Variants in MAP2 observed in about 807,000 individuals in gnomAD.
The protein encoded by MAP2 is microtubule associated protein 2, also known as microtubule-associated protein 2.
MAP2 carries 14 observed loss-of-function variants against 137.6 expected under a neutral mutation model. The ratio of observed to expected loss-of-function variants is 0.10; its 90% confidence interval spans 0.07 to 0.16. MAP2 has a LOEUF of 0.16. Among genes scored for constraint, MAP2 ranks in the 10% least tolerant of loss-of-function variants. The pLI is 1.00. For synonymous variants in MAP2, 786 were observed against 782.3 expected (o/e 1.00, Z -0.08); for missense variants, 2,088 against 2,191.5 (o/e 0.95, Z 0.94).
intron 11 of MAP2, 33 bp downstream of exon 11, chr2:209,700,371 T>C: frequency 6.6e-7 from 1 of 1,525,686 alleles, no homozygotes; most frequent in Non-Finnish European, 9.1e-7. Flanking sequence ...TGTTCTTCAT[T>C]TGAAGTTCCT....
intron 2 of MAP2, among the ~76,000 whole-genome samples, chr2:209,563,538 C>G (rs993704768): frequency 2.0e-5 from 3 of 152,170 alleles, no homozygotes; most frequent in Non-Finnish European, 2.9e-5. Flanking sequence ...TGCATCGCCA[C>G]CAGCTTCCCA....
intron 5 of MAP2, among the ~76,000 whole-genome samples, chr2:209,677,409 GAC>G (rs1292412943): frequency 7.6e-6 from 1 of 131,564 alleles, no homozygotes; most frequent in Non-Finnish European, 1.5e-5. Context: ...TAGATAGACA[GAC>G]AGACAGACAG....
At chr2:209,562,705 C>T (rs1456785821) in intron 2 of MAP2, among the ~76,000 whole-genome samples, 1 of 151,334 alleles carries the variant, frequency 6.6e-6, no homozygotes, top group African/African-American at 2.4e-5. Context: ...AAAAAAAAAA[C>T]AAAAAGCGAA....
At chr2:209,690,807 A>C (rs1242479227) in intron 7 of MAP2, 6 of 1,288,816 alleles carry the variant, frequency 4.7e-6, no homozygotes, top group Non-Finnish European at 6.1e-6. Flanking sequence ...GAGGTCAAGG[A>C]GGTGTCTCCA....
Position 209,613,600 on chromosome 2 carries a change from C to T in MAP2, c.-106-11453C>T, listed in dbSNP as rs144594969. On this transcript the variant is annotated intron_variant, in intron 3 of 15. Coordinates refer to ENST00000682079, the MANE Select transcript of MAP2 (RefSeq NM_001375505.1). Reference sequence around the variant, plus strand: ...GGATCAAGGAGCTCAGTGGGGCTAGCGGAGAAGAGCTCTACACTTGGTGTC... The same window carrying T: ...GGATCAAGGAGCTCAGTGGGGCTAGTGGAGAAGAGCTCTACACTTGGTGTC... 1.8e-4 allele frequency among the ~76,000 whole-genome samples: 27 copies of T among 148,710 alleles called. No individual in the cohort carries two copies. In the East Asian group the frequency reaches 3.2e-3, roughly 18 times the overall value.
chr2:209,622,320 A>G (rs921891231), intron 3 of MAP2, among the ~76,000 whole-genome samples: 8 of 152,162 alleles, frequency 5.3e-5, no homozygotes, highest in East Asian at 1.9e-4. Flanking sequence ...TAGGCTCAAA[A>G]TTGTCTCTAG....
chr2:209,573,298 G>GGTTGTTTTTTTTTTTTTTTTT (rs770132978), intron 2 of MAP2, among the ~76,000 whole-genome samples: 1 of 120,070 alleles, frequency 8.3e-6, no homozygotes, highest in African/African-American at 3.3e-5. Context: ...TTCTTTTTCT[G>GGTTGTTTTTTTTTTTTTTTTT]TTTTTTTTTT....
Position 209,661,920 on chromosome 2 carries a change from G to GA in MAP2, c.262+8495dup, listed in dbSNP as rs542123620. Among the ~76,000 whole-genome samples, 1,177 of 152,108 alleles carry GA rather than the reference G, an allele frequency of 7.7e-3. 8 individuals carry two copies. Among genetic ancestry groups the GA allele is most frequent in the South Asian group, 0.027 (129 of 4,822 alleles). On this transcript the variant is annotated intron_variant, in intron 5 of 15. Coordinates refer to ENST00000682079, the MANE Select transcript of MAP2 (RefSeq NM_001375505.1). ...GCGTTTGATATTTTACAAATTAGAGGAAAAAAACCAACATCAGATAAAGTT... is the reference window on the plus strand; with the variant it reads ...GCGTTTGATATTTTACAAATTAGAGGAAAAAAAACCAACATCAGATAAAGTT...
At chr2:209,455,939 A>G (rs1236670421) in intron 1 of MAP2, among the ~76,000 whole-genome samples, 1 of 151,472 alleles carries the variant, frequency 6.6e-6, no homozygotes, top group Non-Finnish European at 1.5e-5. Flanking sequence ...ATTATTAAAC[A>G]TGATATCTAC....
chr2:209,615,672 G>A (rs957405885), intron 3 of MAP2, among the ~76,000 whole-genome samples: 2 of 152,130 alleles, frequency 1.3e-5, no homozygotes, highest in Non-Finnish European at 2.9e-5. Flanking sequence ...GGCAGATACA[G>A]GCAGGTCCCC....
At chr2:209,574,973 C>T (rs1237430972) in intron 2 of MAP2, among the ~76,000 whole-genome samples, 1 of 152,160 alleles carries the variant, frequency 6.6e-6, no homozygotes, top group Non-Finnish European at 1.5e-5. Context: ...CTACAAAGGT[C>T]ATTCCAAAAT....
At chr2:209,446,863 A>G (rs62213411) in intron 1 of MAP2, among the ~76,000 whole-genome samples, 32,269 of 151,814 alleles carry the variant, frequency 0.21, 4,056 homozygotes, top group South Asian at 0.3. Context: ...TGACTCATCC[A>G]AGTTCAAAAT....
intron 4 of MAP2, among the ~76,000 whole-genome samples, chr2:209,652,753 G>T (rs2094893159): frequency 6.6e-6 from 1 of 152,094 alleles, no homozygotes; most frequent in Non-Finnish European, 1.5e-5. Flanking sequence ...TATGCTGAAG[G>T]ATTCCTTGAC....
At chr2:209,643,617 G>C (rs924456111) in intron 4 of MAP2, among the ~76,000 whole-genome samples, 1 of 152,160 alleles carries the variant, frequency 6.6e-6, no homozygotes, top group African/African-American at 2.4e-5. Flanking sequence ...GAATGCTAAG[G>C]GGTGTTTAAA....
At chr2:209,595,604 CTGGGTA>C (rs1295439292) in intron 3 of MAP2, among the ~76,000 whole-genome samples, 15 of 152,230 alleles carry the variant, frequency 9.9e-5, no homozygotes, top group African/African-American at 3.6e-4. Context: ...GATCCCATTA[CTGGGTA>C]TATACCCAAA....
rs1286103137 is a variant in MAP2 at position 209,593,634 on chromosome 2, A to AAAAAAAAAAAT, written c.-107+13535_-107+13536insAAAAAAAAATA. Among the ~76,000 whole-genome samples the AAAAAAAAAAAT allele has an allele frequency of 1.8e-3, 61 of 33,636 alleles. 2 individuals are homozygous for AAAAAAAAAAAT. Among genetic ancestry groups the AAAAAAAAAAAT allele is most frequent in the Non-Finnish European group, 2.4e-3 (48 of 20,360 alleles). The allele number at this position is 33,636 out of a possible 152,430, so 22.1% of individuals were successfully genotyped here. A position where few individuals can be genotyped will look rare whatever the true frequency, so the allele number is the denominator to read the frequency against. ...CCTGTCTCTACAAAAAAAAAAAAAA[A>AAAAAAAAAAAT]ATATATATATATATATATATATATA... On this transcript the variant is annotated intron_variant, in intron 3 of 15. Transcript: ENST00000682079.
rs552930996 is a variant in MAP2, at chr2:209,683,836, G to A, written c.454+3009G>A. Among the ~76,000 whole-genome samples, 85 of 152,186 alleles carry A rather than the reference G, an allele frequency of 5.6e-4. 1 individual carries two copies. In the South Asian group the frequency reaches 0.011, roughly 19 times the overall value. On this transcript the variant is annotated intron_variant, in intron 7 of 15. Transcript: ENST00000682079. ...AGCTCTTTTGTTAGATTAATTCAGC[G>A]ATTTTGAGGATACATTTTCTTTTTG... is the stretch of plus-strand genomic sequence containing the variant.
At chr2:209,561,858 T>A (rs1196985055) in intron 2 of MAP2, among the ~76,000 whole-genome samples, 1 of 152,236 alleles carries the variant, frequency 6.6e-6, no homozygotes, top group Non-Finnish European at 1.5e-5. Context: ...ACCAACTTAA[T>A]GTAAGGCACA....
intron 7 of MAP2, among the ~76,000 whole-genome samples, chr2:209,692,004 A>G (rs182712263): frequency 2.6e-5 from 4 of 152,332 alleles, no homozygotes; most frequent in Admixed American, 6.5e-5. Flanking sequence ...TTATCCTCAG[A>G]TGAATTCTAA....
Sources: gnomAD v4.1 joint callset for allele counts (sites outside exome capture counted in the v4.1 genomes callset) on GRCh38, gnomAD v4.1.1 for gene constraint, MANE v1.5 for transcripts, NCBI Gene and HGNC (gene_info 2026-07-23, HGNC 2026-07-21) for gene names.